The following NSD3 variants were observed in gnomAD, a reference collection of about 807,000 sequenced individuals.
NSD3 encodes the protein histone-lysine N-methyltransferase NSD3.
A neutral mutation model predicts 160.8 loss-of-function variants in NSD3; 24 were observed. That is an observed-to-expected ratio of 0.15 (90% CI 0.11 to 0.21). The LOEUF is 0.21. Ranked by LOEUF, NSD3 falls within the 10% of genes least tolerant of loss-of-function variation. The pLI is 1.00. For missense variants in NSD3, 1,157 were observed against 1,735.9 expected, an observed-to-expected ratio of 0.67 and a Z score of 5.93; for synonymous variants, 520 against 600.0, an observed-to-expected ratio of 0.87 and a Z score of 1.95.
intron 4 of NSD3, among the ~76,000 whole-genome samples, chr8:38,332,741 T>C (rs1336452302): frequency 6.6e-6 from 1 of 152,166 alleles, no homozygotes; most frequent in Non-Finnish European, 1.5e-5. Context: ...TTCTTTTTTT[T>C]TTAAATAATT....
At chr8:38,327,885 A>C (rs1809954981) in intron 6 of NSD3, among the ~76,000 whole-genome samples, 1 of 152,206 alleles carries the variant, frequency 6.6e-6, no homozygotes, top group Non-Finnish European at 1.5e-5. Context: ...GAATAGAAGT[A>C]AAGAAGTGAT....
In NSD3 at chr8:38,347,614, C is replaced by G; in HGVS notation, c.558G>C (p.Thr186=). 6.2e-7 allele frequency: 1 copy of G among 1,613,844 alleles called. No individual in the cohort carries two copies. The highest frequency in any genetic ancestry group is 8.5e-7 in the Non-Finnish European group (1 of 1,180,018). The change falls in exon 2 of 24, where the codon ACG becomes ACC. Residue 186 remains threonine (T), a synonymous_variant. Transcript: ENST00000317025. ...CTTTTCTGCTTTCATGCTTTGATTT[C>G]GTGTGCTCACTTGCCTGTACTTCAT... ...LLNEVQASEH[T]KSKHESRKEK...
chr8:38,334,228 T>C (rs1056953008), intron 4 of NSD3, among the ~76,000 whole-genome samples: 1 of 152,212 alleles, frequency 6.6e-6, no homozygotes, highest in Non-Finnish European at 1.5e-5. Flanking sequence ...GATACCATGT[T>C]AAAACATGGA....
intron 12 of NSD3, among the ~76,000 whole-genome samples, chr8:38,311,867 T>C (rs1479884904): frequency 1.3e-5 from 2 of 152,230 alleles, no homozygotes; most frequent in South Asian, 2.1e-4. Context: ...GCCACATCCA[T>C]TGTCATGAAG....
intron 14 of NSD3, among the ~76,000 whole-genome samples, chr8:38,301,645 G>A (rs2131006630): frequency 6.6e-6 from 1 of 152,302 alleles, no homozygotes; most frequent in Admixed American, 6.5e-5. Context: ...ATGGAGTAGT[G>A]TAAAGGAATA....
At chr8:38,351,893 G>T (rs2150386152) in intron 1 of NSD3, among the ~76,000 whole-genome samples, 1 of 151,716 alleles carries the variant, frequency 6.6e-6, no homozygotes, top group African/African-American at 2.4e-5. Context: ...AGTGGGGAGG[G>T]ATAGCATTAG....
At chr8:38,359,703 C>T (rs772666953) in intron 1 of NSD3, among the ~76,000 whole-genome samples, 7 of 152,306 alleles carry the variant, frequency 4.6e-5, no homozygotes, top group Non-Finnish European at 1.0e-4. Flanking sequence ...CTATACAACT[C>T]AATGTTAACT....
At chr8:38,331,317 G>T in intron 5 of NSD3, 114 bp downstream of exon 5, 2 of 1,210,908 alleles carry the variant, frequency 1.7e-6, no homozygotes, top group South Asian at 2.0e-5. Context: ...ACAGCTGAAA[G>T]GGGTTTAAAA....
intron 1 of NSD3, among the ~76,000 whole-genome samples, chr8:38,378,868 G>A (rs1359703187): frequency 6.6e-6 from 1 of 151,388 alleles, no homozygotes; most frequent in Non-Finnish European, 1.5e-5. Context: ...AAAACTGTTA[G>A]GAGGATAAAA....
At chr8:38,336,500 A>G (rs1048534131) in intron 4 of NSD3, among the ~76,000 whole-genome samples, 2 of 152,214 alleles carry the variant, frequency 1.3e-5, no homozygotes, top group African/African-American at 2.4e-5. Flanking sequence ...TACCGATTCA[A>G]GAATGGAGTG....
intron 16 of NSD3, among the ~76,000 whole-genome samples, chr8:38,291,278 G>A (rs1808992313): frequency 6.6e-6 from 1 of 152,136 alleles, no homozygotes; most frequent in Admixed American, 6.5e-5. Flanking sequence ...ACTGTTTCAG[G>A]CTATGATAAT....
intron 1 of NSD3, among the ~76,000 whole-genome samples, chr8:38,360,478 T>C (rs1215552000): frequency 6.6e-6 from 1 of 152,180 alleles, no homozygotes; most frequent in Non-Finnish European, 1.5e-5. Flanking sequence ...TAAAGAGGTT[T>C]ACTACCATTC....
Position 38,321,501 on chromosome 8 carries a change from A to T in NSD3, c.1709-329T>A, listed in dbSNP as rs948414946. ...TAAACATCTTTAGGTAAATATAATT[A>T]GGGAATGAAGGGACTGAAGGATGCA... On this transcript the variant is annotated intron_variant, in intron 7 of 23. Coordinates refer to ENST00000317025, the MANE Select transcript of NSD3 (RefSeq NM_023034.2). The surrounding 1 kb of genome is among the most constrained non-coding windows in gnomAD (Gnocchi z 4.7). Among the ~76,000 whole-genome samples, 1 of 152,254 alleles carries T rather than the reference A, an allele frequency of 6.6e-6. No homozygotes were observed. Among genetic ancestry groups the T allele is most frequent in the African/African-American group, 2.4e-5 (1 of 41,476 alleles).
intron 15 of NSD3, among the ~76,000 whole-genome samples, chr8:38,296,703 T>C (rs1256287552): frequency 6.6e-6 from 1 of 151,282 alleles, no homozygotes; most frequent in East Asian, 1.9e-4. Context: ...TGTGTGTGTG[T>C]GTGTGTGTGT....
At chr8:38,298,772 C>T (rs1809214550) in intron 15 of NSD3, among the ~76,000 whole-genome samples, 1 of 152,100 alleles carries the variant, frequency 6.6e-6, no homozygotes, top group Admixed American at 6.5e-5. Context: ...AGTTTTCTTC[C>T]ATAGGTTAAA....
intron 1 of NSD3, among the ~76,000 whole-genome samples, chr8:38,364,702 TA>T (rs1811066797): frequency 6.6e-6 from 1 of 152,178 alleles, no homozygotes; most frequent in Non-Finnish European, 1.5e-5. Flanking sequence ...CTGATTTTCA[TA>T]AAAATATATA....
rs780032475 is a variant in NSD3 at position 38,278,359 on chromosome 8, C to G, written c.3814G>C (p.Glu1272Gln). Residue 1272 changes from glutamate to glutamine, a missense_variant, in exon 22 of 24, where the codon GAG (glutamate) becomes CAG (glutamine). Glu to Gln is a conservative substitution (Grantham distance 29). Transcript: ENST00000317025. The part of the protein sequence containing the change: ...NLDCLGNGRT[E>Q]CHCGADNCSG... ...CAGTTATCTGCTCCACAGTGGCACT[C>G]CGTTCTGCCGTTGCCCAGACAATCT... is the stretch of plus-strand genomic sequence containing the variant. 6.2e-7 allele frequency: 1 copy of G among 1,614,070 alleles called. No individual in the cohort carries two copies. The highest frequency in any genetic ancestry group is 1.1e-5 in the South Asian group (1 of 91,046).
chr8:38,279,832 T>G, intron 20 of NSD3, 151 bp from the exon 21 acceptor site: 13 of 752,892 alleles, frequency 1.7e-5, no homozygotes, highest in African/African-American at 3.5e-5. Context: ...CTGGGTAATT[T>G]ACTAAGTTCT....
In NSD3 at chr8:38,288,861, C is replaced by T. The variant is rs1241454357; in HGVS notation, c.3232-105G>A. On this transcript the variant is annotated intron_variant, in intron 18 of 23. Transcript: ENST00000317025. The surrounding 1 kb of genome is among the most constrained non-coding windows in gnomAD (Gnocchi z 4.5). ...ACGCTACTGCCTCGTGGTGCTACTC[C>T]GAGAAAGGTTGTCTTTCCTGATGAA... 15 of 1,406,002 alleles carry T rather than the reference C, an allele frequency of 1.1e-5. No individual in the cohort carries two copies. The highest frequency in any genetic ancestry group is 7.2e-5 in the African/African-American group (5 of 69,630). 87.1% of individuals were successfully genotyped at this position (1,406,002 alleles called of 1,614,324 possible).
Sources: allele counts gnomAD v4.1 joint callset (sites outside exome capture counted in the v4.1 genomes callset), GRCh38; gene constraint gnomAD v4.1.1; non-coding constraint Gnocchi (gnomAD v3.1); transcripts MANE v1.5; gene names NCBI Gene and HGNC (gene_info 2026-07-23, HGNC 2026-07-21).